Variants in ADAM10 observed in about 807,000 individuals in gnomAD.
The protein encoded by ADAM10 is disintegrin and metalloproteinase domain-containing protein 10.
A neutral mutation model predicts 90.1 loss-of-function variants in ADAM10; 17 were observed. That is an observed-to-expected ratio of 0.19 (90% CI 0.13 to 0.28). ADAM10 has a LOEUF of 0.28. Among genes scored for constraint, ADAM10 ranks in the 10% least tolerant of loss-of-function variants. The pLI is 1.00. For synonymous variants in ADAM10, 310 were observed against 298.6 expected (o/e 1.04, Z -0.40); for missense variants, 610 against 914.3 (o/e 0.67, Z 4.29).
chr15:58,720,421 G>C (rs532160103), intron 1 of ADAM10, among the ~76,000 whole-genome samples: 19 of 141,132 alleles, frequency 1.3e-4, no homozygotes, highest in African/African-American at 5.1e-4. Flanking sequence ...TTTTTTTTGA[G>C]ACAGAGTCTC....
chr15:58,651,245 G>A (rs950300531), intron 5 of ADAM10, among the ~76,000 whole-genome samples: 1 of 151,982 alleles, frequency 6.6e-6, no homozygotes, highest in Non-Finnish European at 1.5e-5. Context: ...TATCCTTTTT[G>A]TTACAAAAAA....
chr15:58,682,336 G>C (rs200860290), intron 2 of ADAM10, 22 bp from the exon 3 acceptor site: 1 of 1,602,254 alleles, frequency 6.2e-7, no homozygotes, highest in Non-Finnish European at 8.5e-7. Context: ...GATGGGAAGG[G>C]GGAACAACTG....
chr15:58,648,623 T>TA (rs1896611336), intron 5 of ADAM10, among the ~76,000 whole-genome samples: 1 of 152,168 alleles, frequency 6.6e-6, no homozygotes, highest in South Asian at 2.1e-4. Context: ...TCAAGTTTAT[T>TA]ATATCAAGTA....
rs951124872 is a variant in ADAM10 at position 58,594,190 on chromosome 15, T to C, written c.*3357A>G. 6.6e-6 allele frequency: 1 copy of C among 152,212 alleles called. No homozygotes were observed. The highest frequency in any genetic ancestry group is 1.5e-5 in the Non-Finnish European group (1 of 68,034). The allele number at this position is 152,212 out of a possible 1,614,324, so 9.4% of individuals were successfully genotyped here. On this transcript the variant is annotated 3_prime_UTR_variant, in exon 16 of 16. Transcript: ENST00000260408. ...GCTTGCACCCTGGTTTTGGGAAACCTTGACCCTTTAAATATGGATAATGAA... is the reference window on the plus strand; with the variant it reads ...GCTTGCACCCTGGTTTTGGGAAACCCTGACCCTTTAAATATGGATAATGAA...
chr15:58,733,321 C>G (rs1011448591), intron 1 of ADAM10, among the ~76,000 whole-genome samples: 16 of 152,194 alleles, frequency 1.1e-4, no homozygotes, highest in African/African-American at 3.9e-4. Context: ...TTCATCCCCT[C>G]CCTCAGAGTG....
At chr15:58,708,949 G>A (rs1447372308) in intron 2 of ADAM10, among the ~76,000 whole-genome samples, 1 of 152,130 alleles carries the variant, frequency 6.6e-6, no homozygotes, top group African/African-American at 2.4e-5. Context: ...TGAAGAATAA[G>A]TATTCAGAAG....
intron 1 of ADAM10, among the ~76,000 whole-genome samples, chr15:58,728,564 A>G (rs539722312): frequency 9.2e-5 from 14 of 152,132 alleles, no homozygotes; most frequent in Middle Eastern, 3.4e-3. Flanking sequence ...ACATAGCGAG[A>G]TTCCATCTCT....
intron 1 of ADAM10, among the ~76,000 whole-genome samples, chr15:58,728,093 G>C (rs1182975548): frequency 6.6e-6 from 1 of 152,102 alleles, no homozygotes; most frequent in Non-Finnish European, 1.5e-5. Flanking sequence ...CTTAATCCTA[G>C]GCCACAAAGC....
At chr15:58,738,386 T>A (rs1160670834) in intron 1 of ADAM10, among the ~76,000 whole-genome samples, 1 of 152,218 alleles carries the variant, frequency 6.6e-6, no homozygotes, top group Non-Finnish European at 1.5e-5. Context: ...TCCAGCAATA[T>A]ATTTAAGTGC....
rs1894903022 is a variant in ADAM10 at position 58,594,608 on chromosome 15, T to A, written c.*2939A>T. 6.6e-6 allele frequency: 1 copy of A among 152,180 alleles called. No homozygotes were observed. The allele number at this position is 152,180 out of a possible 1,614,324, so 9.4% of individuals were successfully genotyped here. ...GCTTGACACTACAGGGAATGCTAAA[T>A]CCAGAAGCAGTCAATAAATTTATTT... is the stretch of plus-strand genomic sequence containing the variant. On this transcript the variant is annotated 3_prime_UTR_variant, in exon 16 of 16. Transcript: ENST00000260408.
At chr15:58,747,629 T>G (rs1468030652) in intron 1 of ADAM10, 1 of 152,160 alleles carries the variant, frequency 6.6e-6, no homozygotes, top group Non-Finnish European at 1.5e-5. Flanking sequence ...ATACTAATTT[T>G]AAAATAAAAC....
intron 1 of ADAM10, among the ~76,000 whole-genome samples, chr15:58,744,939 T>C (rs1475112603): frequency 6.6e-6 from 1 of 152,202 alleles, no homozygotes; most frequent in East Asian, 1.9e-4. Context: ...TCCCAGCACT[T>C]TGGGAGGCCA....
chr15:58,714,489 T>C (rs1369093296), intron 2 of ADAM10, among the ~76,000 whole-genome samples: 2 of 152,074 alleles, frequency 1.3e-5, no homozygotes, highest in Non-Finnish European at 1.5e-5. Flanking sequence ...AAGCCTATTA[T>C]GTGAATAAAA....
intron 2 of ADAM10, among the ~76,000 whole-genome samples, chr15:58,709,367 A>C (rs1204871753): frequency 6.6e-6 from 1 of 152,218 alleles, no homozygotes; most frequent in Non-Finnish European, 1.5e-5. Context: ...AACAATATAT[A>C]GGCTTTTCTA....
chr15:58,677,380 A>G (rs1455228079), intron 4 of ADAM10, among the ~76,000 whole-genome samples: 1 of 152,200 alleles, frequency 6.6e-6, no homozygotes, highest in Non-Finnish European at 1.5e-5. Context: ...AAGAACAAAA[A>G]ATCAAGTAAC....
chr15:58,613,788 G>T (rs761479966), intron 11 of ADAM10, among the ~76,000 whole-genome samples: 3 of 152,036 alleles, frequency 2.0e-5, no homozygotes, highest in Non-Finnish European at 4.4e-5. Context: ...AAGACTTATG[G>T]GACACCACCA....
At chr15:58,696,550 C>A (rs1897986094) in intron 2 of ADAM10, among the ~76,000 whole-genome samples, 5 of 151,570 alleles carry the variant, frequency 3.3e-5, no homozygotes, top group Admixed American at 2.6e-4. Flanking sequence ...ACCGCAACCT[C>A]CGCCTCCCAG....
chr15:58,685,617 G>T (rs371443040), intron 2 of ADAM10, among the ~76,000 whole-genome samples: 1 of 143,012 alleles, frequency 7.0e-6, no homozygotes, highest in East Asian at 2.0e-4. Flanking sequence ...TCTGTGTAGA[G>T]AATTTCTGAG....
chr15:58,649,893 G>C (rs1028007280), intron 5 of ADAM10, among the ~76,000 whole-genome samples: 1 of 152,034 alleles, frequency 6.6e-6, no homozygotes, highest in Non-Finnish European at 1.5e-5. Flanking sequence ...CTCCTTCTAG[G>C]ACATCAATTA....
Sources: gnomAD v4.1 joint callset for allele counts (sites outside exome capture counted in the v4.1 genomes callset) on GRCh38, gnomAD v4.1.1 for gene constraint, MANE v1.5 for transcripts, NCBI Gene and HGNC (gene_info 2026-07-23, HGNC 2026-07-21) for gene names.